The following LAMP3 variants were observed in gnomAD, a reference collection of about 807,000 sequenced individuals.
LAMP3 encodes lysosome-associated membrane glycoprotein 3.
Under a neutral mutation model 34.8 loss-of-function variants are expected in LAMP3, and 26 were observed. The observed-to-expected ratio is 0.75, with a 90% CI of 0.55 to 1.04. LAMP3 has a LOEUF of 1.04. Ranked by LOEUF, LAMP3 falls within the 50% of genes least tolerant of loss-of-function variation. The pLI, the probability that LAMP3 is intolerant of heterozygous loss-of-function variation, is 0.00. For missense variants in LAMP3, 495 were observed against 524.0 expected, an observed-to-expected ratio of 0.94 and a Z score of 0.54; for synonymous variants, 180 against 201.9, an observed-to-expected ratio of 0.89 and a Z score of 0.92.
intron 1 of LAMP3, among the ~76,000 whole-genome samples, chr3:183,160,038 C>T (rs1198011406): frequency 6.6e-6 from 1 of 152,218 alleles, no homozygotes; most frequent in Non-Finnish European, 1.5e-5. Context: ...TCCAGTGAAG[C>T]ACTCCCACAC....
At chr3:183,140,410 C>CAAAA (rs58229572) in intron 4 of LAMP3, 128 bp downstream of exon 4, 10 of 194,498 alleles carry the variant, frequency 5.1e-5, no homozygotes, top group African/African-American at 4.5e-4. Flanking sequence ...GACTCCATCT[C>CAAAA]AAAAAAAAAA....
chr3:183,128,189 T>C (rs1719830675), intron 5 of LAMP3, among the ~76,000 whole-genome samples: 1 of 151,254 alleles, frequency 6.6e-6, no homozygotes, highest in Non-Finnish European at 1.5e-5. Flanking sequence ...AACACTGTCA[T>C]ATGATTTGAA....
Position 183,154,033 on chromosome 3 carries a change from G to A in LAMP3, c.408C>T (p.Pro136=). Residue 136 remains proline (P), a synonymous_variant, in exon 2 of 6, where the codon CCC becomes CCT. Transcript: ENST00000265598. ...TTGTATGAGCTGGTGGGGTGATGGT[G>A]GGTGGCAGTGAATAAGGGGCTAAGC... The part of the protein sequence containing the change: ...GPSLAPYSLP[P]TITPPAHTTG... 4 of 1,614,168 alleles carry A rather than the reference G, an allele frequency of 2.5e-6. No homozygotes were observed. Among genetic ancestry groups the A allele is most frequent in the Non-Finnish European group, 3.4e-6 (4 of 1,180,042 alleles).
intron 1 of LAMP3, among the ~76,000 whole-genome samples, chr3:183,156,622 C>T (rs1720830100): frequency 6.6e-6 from 1 of 152,206 alleles, no homozygotes; most frequent in African/African-American, 2.4e-5. Flanking sequence ...ATTCAATACA[C>T]TTCTAAGTGG....
chr3:183,130,190 G>A lies in LAMP3; in HGVS notation c.1117+5527C>T, dbSNP rs573271849. ...TTTTTTTTTTTTGAGACGGAGTTTC[G>A]CTCTGTCACCCAGGCTGGAGTACAG... is the stretch of plus-strand genomic sequence containing the variant. On this transcript the variant is annotated intron_variant, in intron 5 of 5. Transcript: ENST00000265598. 9.4e-4 allele frequency among the ~76,000 whole-genome samples: 101 copies of A among 107,878 alleles called. 1 individual carries two copies. Among genetic ancestry groups the A allele is most frequent in the African/African-American group, 3.3e-3 (91 of 27,232 alleles). The allele number at this position is 107,878 out of a possible 152,430, so 70.8% of individuals were successfully genotyped here. A position where few individuals can be genotyped will look rare whatever the true frequency, so the allele number is the denominator to read the frequency against.
chr3:183,161,398 A>AT (rs1479081732), intron 1 of LAMP3, among the ~76,000 whole-genome samples: 6 of 150,058 alleles, frequency 4.0e-5, no homozygotes, highest in African/African-American at 1.5e-4. Context: ...ATTTTTATTT[A>AT]TTTATTTTTT....
intron 4 of LAMP3, 26 bp downstream of exon 4, chr3:183,140,512 C>T (rs769525159): frequency 1.4e-5 from 20 of 1,439,394 alleles, no homozygotes; most frequent in East Asian, 4.7e-5. Flanking sequence ...CATGGCTGGT[C>T]GAATGGGCAT....
intron 3 of LAMP3, among the ~76,000 whole-genome samples, chr3:183,141,710 T>C (rs985463487): frequency 1.3e-5 from 2 of 152,342 alleles, no homozygotes; most frequent in African/African-American, 4.8e-5. Flanking sequence ...GTAAGGTCAT[T>C]GATACTGATA....
In LAMP3 at chr3:183,135,703, G is replaced by T; in HGVS notation, c.1117+14C>A. 6.2e-7 allele frequency: 1 copy of T among 1,612,852 alleles called. No individual in the cohort carries two copies. Among genetic ancestry groups the T allele is most frequent in the South Asian group, 1.1e-5 (1 of 90,944 alleles). The stretch of plus-strand genomic sequence containing the variant: ...TAAAGTGTATGTTTGCAACCTGATC[G>T]ACCCTTAACTTACCATTTCCAAAGT... On this transcript the variant is annotated intron_variant, in intron 5 of 5. Transcript: ENST00000265598.
At chr3:183,139,226 CT>C (rs1250630452) in intron 4 of LAMP3, among the ~76,000 whole-genome samples, 1 of 151,976 alleles carries the variant, frequency 6.6e-6, no homozygotes, top group Non-Finnish European at 1.5e-5. Context: ...CCCGTCTCTA[CT>C]AAAAATACAA....
At chr3:183,132,375 A>G (rs1409809872) in intron 5 of LAMP3, 1 of 967,472 alleles carries the variant, frequency 1.0e-6, no homozygotes, top group Non-Finnish European at 1.2e-6. Flanking sequence ...TTTGTAATCA[A>G]CTTTGAAATG....
upstream of LAMP3, among the ~76,000 whole-genome samples, chr3:183,163,219 G>A (rs998946211): frequency 6.6e-6 from 1 of 151,670 alleles, no homozygotes; most frequent in East Asian, 1.9e-4. Context: ...ACCTCCCAAA[G>A]TGCTGGGATT....
At position 183,122,505 on chromosome 3, in the gene LAMP3, A is replaced by C. The variant is rs967205648; in HGVS notation, c.*1576T>G. The C allele has an allele frequency of 2.0e-5, 3 of 152,260 alleles. No individual in the cohort carries two copies. The highest frequency in any genetic ancestry group is 4.4e-5 in the Non-Finnish European group (3 of 68,038). The allele number at this position is 152,260 out of a possible 1,614,324, so 9.4% of individuals were successfully genotyped here. A position where few individuals can be genotyped will look rare whatever the true frequency, so the allele number is the denominator to read the frequency against. On this transcript the variant is annotated 3_prime_UTR_variant, in exon 6 of 6. Coordinates refer to ENST00000265598, the MANE Select transcript of LAMP3 (RefSeq NM_014398.4). ...TGAACAATAGGAAATATGGATATGA[A>C]GTGCAGAAGCAGCAAGTTACCACAA...
chr3:183,156,746 G>A (rs1293202117), intron 1 of LAMP3, among the ~76,000 whole-genome samples: 1 of 152,132 alleles, frequency 6.6e-6, no homozygotes, highest in Admixed American at 6.5e-5. Context: ...ACACTTTGGT[G>A]GGTACTACTT....
At chr3:183,138,787 C>G (rs1720179974) in intron 4 of LAMP3, among the ~76,000 whole-genome samples, 1 of 152,202 alleles carries the variant, frequency 6.6e-6, no homozygotes, top group Admixed American at 6.5e-5. Flanking sequence ...TTGCCACTGG[C>G]TCTGCATGCC....
At chr3:183,138,738 T>G (rs1380635485) in intron 4 of LAMP3, among the ~76,000 whole-genome samples, 2 of 152,176 alleles carry the variant, frequency 1.3e-5, no homozygotes, top group Non-Finnish European at 2.9e-5. Context: ...TGGCATCCTT[T>G]CACACTTTAG....
intron 5 of LAMP3, among the ~76,000 whole-genome samples, chr3:183,134,171 G>A (rs1720011895): frequency 6.6e-6 from 1 of 152,178 alleles, no homozygotes; most frequent in Non-Finnish European, 1.5e-5. Flanking sequence ...AGTTGATACG[G>A]TGACAGTGGG....
intron 3 of LAMP3, among the ~76,000 whole-genome samples, chr3:183,147,161 T>G (rs1186218464): frequency 1.3e-5 from 2 of 151,984 alleles, no homozygotes; most frequent in African/African-American, 2.4e-5. Flanking sequence ...GAGAATCGCT[T>G]GAACCCAAGA....
At chr3:183,153,174 C>CAAAAAA (rs750659929) in intron 2 of LAMP3, among the ~76,000 whole-genome samples, 3 of 46,680 alleles carry the variant, frequency 6.4e-5, no homozygotes, top group Non-Finnish European at 1.3e-4. Flanking sequence ...GACTCCGTCT[C>CAAAAAA]AAAAAAAAAA....
Sources: gnomAD v4.1 joint callset for allele counts (sites outside exome capture counted in the v4.1 genomes callset) on GRCh38, gnomAD v4.1.1 for gene constraint, MANE v1.5 for transcripts, NCBI Gene and HGNC (gene_info 2026-07-23, HGNC 2026-07-21) for gene names.